The following C12orf54 variants were observed in gnomAD, a reference collection of about 807,000 sequenced individuals.
C12orf54 encodes the protein uncharacterized protein C12orf54.
C12orf54 carries 24 observed loss-of-function variants against 26.4 expected under a neutral mutation model. The ratio of observed to expected loss-of-function variants is 0.91; its 90% CI spans 0.66 to 1.28. C12orf54 has a LOEUF of 1.28. Among genes scored for constraint, C12orf54 ranks in the 50% most tolerant of loss-of-function variants. The pLI is 0.00. For missense variants in C12orf54, 154 were observed against 150.9 expected, an observed-to-expected ratio of 1.02 and a Z score of -0.11; for synonymous variants, 54 against 47.0, an observed-to-expected ratio of 1.15 and a Z score of -0.61.
At chr12:48,462,548 T>A in the C12orf54 span, among the ~76,000 whole-genome samples, 3 of 151,490 alleles carry the variant, frequency 2.0e-5, no homozygotes, top group Non-Finnish European at 3.0e-5. Context: ...TATAACTAAG[T>A]GGGGTTTACT....
At chr12:48,457,493 C>T in the C12orf54 span, among the ~76,000 whole-genome samples, 3 of 151,812 alleles carry the variant, frequency 2.0e-5, no homozygotes, top group Admixed American at 2.0e-4. Flanking sequence ...GCCACCACAC[C>T]CGGCTAATTT....
At chr12:48,490,697 C>A in intron 5 of C12orf54, 115 bp from the exon 6 acceptor site, 1 of 1,168,904 alleles carries the variant, frequency 8.6e-7, no homozygotes, top group Non-Finnish European at 1.2e-6. Context: ...GTCCAAGAAG[C>A]CCATATTTTC....
chr12:48,428,345 C>CA, the C12orf54 span, among the ~76,000 whole-genome samples: 712 of 146,600 alleles, frequency 4.9e-3, 5 homozygotes, highest in African/African-American at 0.015. Context: ...GAAATTGAAA[C>CA]AAAAAAAAAA....
At chr12:48,449,520 G>A in the C12orf54 span, among the ~76,000 whole-genome samples, 1 of 151,928 alleles carries the variant, frequency 6.6e-6, no homozygotes, top group Non-Finnish European at 1.5e-5. Flanking sequence ...TAGGAATTTG[G>A]GCAAGATAAG....
the C12orf54 span, among the ~76,000 whole-genome samples, chr12:48,420,191 C>T: frequency 6.6e-6 from 1 of 151,918 alleles, no homozygotes; most frequent in Admixed American, 6.6e-5. Context: ...GATGATAATA[C>T]CCAGTGGGTG....
chr12:48,475,277 T>A, the C12orf54 span, among the ~76,000 whole-genome samples: 2 of 150,296 alleles, frequency 1.3e-5, no homozygotes, highest in Admixed American at 1.3e-4. Flanking sequence ...CAAAGGTAGA[T>A]AAAACCACAA....
chr12:48,486,222 C>A lies in C12orf54; in HGVS notation c.96+14C>A, dbSNP rs367940723. On this transcript the variant is annotated intron_variant, in intron 3 of 8. Coordinates refer to ENST00000548364, the MANE Select transcript of C12orf54 (RefSeq NM_152319.4). ...ATGAGACCACAGGTGGGTAAGGTAT[C>A]CAAATTCTCTGGATCCTCTGGGGCT... The A allele has an allele frequency of 1.9e-5, 31 of 1,607,802 alleles. No homozygotes were observed. Among genetic ancestry groups the A allele is most frequent in the Non-Finnish European group, 2.6e-5 (30 of 1,174,406 alleles).
chr12:48,460,944 A>AT, the C12orf54 span, among the ~76,000 whole-genome samples: 1 of 152,098 alleles, frequency 6.6e-6, no homozygotes, highest in African/African-American at 2.4e-5. Context: ...TGTCAACTAA[A>AT]TATCTCAATT....
chr12:48,462,241 G>A, the C12orf54 span, among the ~76,000 whole-genome samples: 2 of 151,432 alleles, frequency 1.3e-5, no homozygotes, highest in African/African-American at 4.8e-5. Flanking sequence ...TTAAATTAAA[G>A]AAATAATTTC....
chr12:48,463,783 A>G, the C12orf54 span, among the ~76,000 whole-genome samples: 1 of 152,238 alleles, frequency 6.6e-6, no homozygotes, highest in South Asian at 2.1e-4. Flanking sequence ...AACATATACA[A>G]TTCAACAAAT....
chr12:48,460,903 C>A, the C12orf54 span, among the ~76,000 whole-genome samples: 1 of 151,842 alleles, frequency 6.6e-6, no homozygotes, highest in Non-Finnish European at 1.5e-5. Flanking sequence ...AAATAGAAAA[C>A]AAAGAGTGAA....
At chr12:48,484,711 A>G (rs890870990) in intron 2 of C12orf54, among the ~76,000 whole-genome samples, 3 of 152,218 alleles carry the variant, frequency 2.0e-5, no homozygotes, top group East Asian at 3.8e-4. Context: ...TGTATTTCAA[A>G]ATAGTTAGCT....
the C12orf54 span, among the ~76,000 whole-genome samples, chr12:48,436,604 C>T: frequency 6.6e-6 from 1 of 152,200 alleles, no homozygotes; most frequent in African/African-American, 2.4e-5. Flanking sequence ...AAGAAACTCA[C>T]TCAAAACCGC....
At chr12:48,437,957 CA>C in the C12orf54 span, among the ~76,000 whole-genome samples, 1 of 152,182 alleles carries the variant, frequency 6.6e-6, no homozygotes, top group Non-Finnish European at 1.5e-5. Flanking sequence ...AAGAGGAAGT[CA>C]AATTGTCCCT....
At chr12:48,424,063 A>G in the C12orf54 span, among the ~76,000 whole-genome samples, 1 of 152,106 alleles carries the variant, frequency 6.6e-6, no homozygotes, top group Non-Finnish European at 1.5e-5. Context: ...TAAGTGGAAG[A>G]TAAACATTAT....
the C12orf54 span, among the ~76,000 whole-genome samples, chr12:48,474,129 A>G: frequency 6.6e-6 from 1 of 152,190 alleles, no homozygotes; most frequent in Non-Finnish European, 1.5e-5. Context: ...TCAAACTTCA[A>G]CTTCTTTACA....
At chr12:48,434,822 C>G in the C12orf54 span, among the ~76,000 whole-genome samples, 2 of 152,108 alleles carry the variant, frequency 1.3e-5, no homozygotes, top group Non-Finnish European at 2.9e-5. Flanking sequence ...AAAAACAGAA[C>G]AGAAAAAACA....
At chr12:48,451,336 A>T in the C12orf54 span, among the ~76,000 whole-genome samples, 2 of 152,132 alleles carry the variant, frequency 1.3e-5, no homozygotes, top group Non-Finnish European at 2.9e-5. Flanking sequence ...GAAGGAACAT[A>T]CCTCAAAATA....
intron 4 of C12orf54, chr12:48,488,412 G>T (rs562337520): frequency 2.7e-5 from 12 of 445,696 alleles, no homozygotes; most frequent in South Asian, 1.4e-4. Flanking sequence ...AGGTGGATTT[G>T]TTCATGGATG....
Sources: gnomAD v4.1 joint callset for allele counts (sites outside exome capture counted in the v4.1 genomes callset) on GRCh38, gnomAD v4.1.1 for gene constraint, MANE v1.5 for transcripts, NCBI Gene and HGNC (gene_info 2026-07-23, HGNC 2026-07-21) for gene names.